The following CD226 variants were observed in gnomAD, a reference collection of about 807,000 sequenced individuals.
CD226 encodes CD226 molecule.
In CD226, 24 loss-of-function variants were observed where a neutral mutation model predicts 34.9. That is an observed-to-expected ratio of 0.69 (90% confidence interval 0.50 to 0.97). CD226 has a LOEUF of 0.97. CD226 is among the 50% of genes least tolerant of loss of function. The probability of loss-of-function intolerance (pLI) is 0.00; values close to 1 mark genes in which losing one functional copy is unlikely to be tolerated. For synonymous variants in CD226, 148 were observed against 147.4 expected (o/e 1.00, Z -0.03); for missense variants, 397 against 412.7 (o/e 0.96, Z 0.33).
chr18:69,901,878 CAAAAA>C lies in CD226; in HGVS notation c.383-5838_383-5834del, dbSNP rs372625212. On this transcript the variant is annotated intron_variant, in intron 2 of 5. Transcript: ENST00000582621. Reference sequence around the variant, plus strand: ...TGGGCGACAGAGCAAGACTCTGACTCAAAAAAAAAAAAAAAAGTATTTGTTAGTAC... The same window carrying C: ...TGGGCGACAGAGCAAGACTCTGACTCAAAAAAAAAAAGTATTTGTTAGTAC... 0.013 allele frequency among the ~76,000 whole-genome samples: 1,463 copies of C among 109,578 alleles called. 52 individuals are homozygous for C. The East Asian group carries it at 0.17, about 13-fold the overall frequency. The allele number at this position is 109,578 out of a possible 152,430, so 71.9% of individuals were successfully genotyped here. A position where few individuals can be genotyped will look rare whatever the true frequency, so the allele number is the denominator to read the frequency against.
intron 2 of CD226, among the ~76,000 whole-genome samples, chr18:69,914,711 A>G (rs1441220071): frequency 6.6e-6 from 1 of 152,178 alleles, no homozygotes; most frequent in Non-Finnish European, 1.5e-5. Flanking sequence ...TAACTAACAC[A>G]AATAACCATC....
chr18:69,895,228 A>G (rs1034834134), intron 3 of CD226, among the ~76,000 whole-genome samples: 4 of 152,222 alleles, frequency 2.6e-5, no homozygotes, highest in Non-Finnish European at 5.9e-5. Flanking sequence ...CTGTCTGGCA[A>G]ACTGGCAACC....
chr18:69,901,599 G>A (rs1051947161), intron 2 of CD226, among the ~76,000 whole-genome samples: 2 of 149,256 alleles, frequency 1.3e-5, no homozygotes, highest in African/African-American at 4.9e-5. Flanking sequence ...ATTTATTTGT[G>A]CCCGGGCACA....
intron 2 of CD226, among the ~76,000 whole-genome samples, chr18:69,941,955 A>C (rs1430178473): frequency 6.6e-6 from 1 of 152,154 alleles, no homozygotes; most frequent in Non-Finnish European, 1.5e-5. Context: ...AGTCACCTTC[A>C]TGCTGTTCTG....
At chr18:69,907,996 AT>A (rs1261696938) in intron 2 of CD226, among the ~76,000 whole-genome samples, 1 of 151,462 alleles carries the variant, frequency 6.6e-6, no homozygotes, top group African/African-American at 2.4e-5. Flanking sequence ...TCAAATTACA[AT>A]TTAAAAATTA....
intron 2 of CD226, among the ~76,000 whole-genome samples, chr18:69,929,448 T>C (rs1389253514): frequency 2.0e-5 from 3 of 152,160 alleles, no homozygotes. Flanking sequence ...GCTTTTTAAA[T>C]TATGTATTAA....
At position 69,946,992 on chromosome 18, in the gene CD226, T is replaced by C. The variant is rs759995980; in HGVS notation, c.124A>G (p.Met42Val). 10 of 1,614,182 alleles carry C rather than the reference T, an allele frequency of 6.2e-6. No individual in the cohort carries two copies. Among genetic ancestry groups the C allele is most frequent in the Admixed American group, 3.3e-5 (2 of 60,024 alleles). ...NMSLECVYPS[M>V]GILTQVEWFK... Reference sequence around the variant, plus strand: ...CACTCCACCTGTGTTAAGATGCCCATTGATGGATACACACATTCTAGAGAC... The same window carrying C: ...CACTCCACCTGTGTTAAGATGCCCACTGATGGATACACACATTCTAGAGAC... The change falls in exon 2 of 6, where the codon ATG (methionine) becomes GTG (valine). Residue 42 changes from methionine (M) to valine (V), a missense_variant. By Grantham distance (21) the Met-to-Val change is conservative. Coordinates refer to ENST00000582621, the MANE Select transcript of CD226 (RefSeq NM_001303618.2).
intron 2 of CD226, among the ~76,000 whole-genome samples, chr18:69,940,523 A>G (rs927705718): frequency 1.3e-4 from 13 of 99,014 alleles, no homozygotes; most frequent in Non-Finnish European, 2.3e-4. Context: ...GTCCAGGCTG[A>G]GGTGGTCTCA....
At chr18:69,914,169 C>A (rs975057075) in intron 2 of CD226, among the ~76,000 whole-genome samples, 3 of 152,216 alleles carry the variant, frequency 2.0e-5, no homozygotes, top group African/African-American at 7.2e-5. Context: ...AAATCTCTGG[C>A]TCTGAAATTC....
chr18:69,955,649 G>A (rs1024324234), intron 1 of CD226, among the ~76,000 whole-genome samples: 2 of 152,072 alleles, frequency 1.3e-5, no homozygotes, highest in African/African-American at 2.4e-5. Flanking sequence ...GGATCATGAG[G>A]TCAGGAGATC....
chr18:69,949,492 G>C (rs1456100996), upstream of CD226, among the ~76,000 whole-genome samples: 3 of 152,148 alleles, frequency 2.0e-5, no homozygotes, highest in Admixed American at 1.3e-4. Context: ...GCTAAACCAA[G>C]TCCAGAGAAT....
chr18:69,890,494 A>ACTT (rs1984829938), intron 3 of CD226, among the ~76,000 whole-genome samples: 1 of 152,186 alleles, frequency 6.6e-6, no homozygotes, highest in African/African-American at 2.4e-5. Flanking sequence ...ATGGAAGTTA[A>ACTT]TAAGTCACTC....
At chr18:69,910,336 C>T (rs890039143) in intron 2 of CD226, among the ~76,000 whole-genome samples, 1 of 152,158 alleles carries the variant, frequency 6.6e-6, no homozygotes, top group Non-Finnish European at 1.5e-5. Flanking sequence ...AGTGACGCTG[C>T]GTGGATATGA....
intron 2 of CD226, among the ~76,000 whole-genome samples, chr18:69,924,403 G>A (rs1371553037): frequency 1.3e-5 from 2 of 151,994 alleles, no homozygotes; most frequent in East Asian, 1.9e-4. Context: ...GACAAAAGGT[G>A]ATTCTGACTA....
rs574185465 is a variant in CD226, at chr18:69,861,378, A to C, written c.*2936T>G. On this transcript the variant is annotated 3_prime_UTR_variant, in exon 6 of 6. Coordinates refer to ENST00000582621, the MANE Select transcript of CD226 (RefSeq NM_001303618.2). ...AATGCATAGTCATCATAGTTCAATA[A>C]GATGTGTTCTTTCCCTGACAAAACT... 3.3e-5 allele frequency: 5 copies of C among 151,312 alleles called. No homozygotes were observed. The highest frequency in any genetic ancestry group is 7.4e-5 in the Non-Finnish European group (5 of 67,696). 9.4% of individuals were successfully genotyped at this position (151,312 alleles called of 1,614,324 possible). A position where few individuals can be genotyped will look rare whatever the true frequency, so the allele number is the denominator to read the frequency against.
rs535987945 is a variant in CD226 at position 69,925,298 on chromosome 18, G to A, written c.382+21436C>T. Reference sequence around the variant, plus strand: ...GAGAATGTGCTGGGACAAGTACTTCGTGCATAACCAAATACAAACTAGGAT... The same window carrying A: ...GAGAATGTGCTGGGACAAGTACTTCATGCATAACCAAATACAAACTAGGAT... On this transcript the variant is annotated intron_variant, in intron 2 of 5. Coordinates refer to ENST00000582621, the MANE Select transcript of CD226 (RefSeq NM_001303618.2). 1.2e-4 allele frequency among the ~76,000 whole-genome samples: 19 copies of A among 152,288 alleles called. 1 individual carries two copies. The highest frequency in any genetic ancestry group is 1.1e-3 in the Admixed American group (17 of 15,302).
intron 3 of CD226, among the ~76,000 whole-genome samples, chr18:69,884,202 A>G (rs1379101429): frequency 6.6e-6 from 1 of 152,138 alleles, no homozygotes; most frequent in Non-Finnish European, 1.5e-5. Context: ...TGTCTCTAAA[A>G]CAAAACAATA....
intron 2 of CD226, among the ~76,000 whole-genome samples, chr18:69,899,984 T>C (rs796719707): frequency 9.8e-5 from 15 of 152,316 alleles, no homozygotes; most frequent in African/African-American, 3.6e-4. Flanking sequence ...TGTACATGAA[T>C]GTTCACTGCA....
At chr18:69,907,297 T>C (rs2055266565) in intron 2 of CD226, among the ~76,000 whole-genome samples, 3 of 152,206 alleles carry the variant, frequency 2.0e-5, no homozygotes, top group African/African-American at 7.2e-5. Flanking sequence ...TCAGTGTGCC[T>C]GGAACCAGAT....
Sources: gnomAD v4.1 joint callset for allele counts (sites outside exome capture counted in the v4.1 genomes callset) on GRCh38, gnomAD v4.1.1 for gene constraint, MANE v1.5 for transcripts, NCBI Gene and HGNC (gene_info 2026-07-23, HGNC 2026-07-21) for gene names.